Variants in TTLL11 observed in about 807,000 individuals in gnomAD.
TTLL11 encodes the protein tubulin tyrosine ligase like 11.
TTLL11 carries 42 observed loss-of-function variants against 51.7 expected under a neutral mutation model. The ratio of observed to expected loss-of-function variants is 0.81; its 90% CI spans 0.64 to 1.05. The LOEUF is 1.05. Among genes scored for constraint, TTLL11 ranks in the 50% least tolerant of loss-of-function variants. The probability of loss-of-function intolerance (pLI) is 0.00; values close to 1 mark genes in which losing one functional copy is unlikely to be tolerated. For synonymous variants in TTLL11, 381 were observed against 383.5 expected (o/e 0.99, Z 0.08); for missense variants, 799 against 940.4 (o/e 0.85, Z 1.97).
chr9:121,900,928 C>T (rs1289764491), intron 6 of TTLL11, among the ~76,000 whole-genome samples: 1 of 152,168 alleles, frequency 6.6e-6, no homozygotes, highest in Non-Finnish European at 1.5e-5. Flanking sequence ...CCCGCCTCAG[C>T]CTCCTGAGTA....
rs181041619 is a variant in TTLL11, at chr9:122,037,419, T to C, written c.559+1853A>G. Among the ~76,000 whole-genome samples the C allele has an allele frequency of 4.4e-4, 67 of 152,340 alleles. No individual in the cohort carries two copies. In the East Asian group the frequency reaches 0.013, roughly 29 times the overall value. ...AATTTGACCTTGGGTTAACTTTCTA[T>C]CTCAGTTCCCCTAGAAAACAATGAA... On this transcript the variant is annotated intron_variant, in intron 2 of 8. Coordinates refer to ENST00000321582, the MANE Select transcript of TTLL11 (RefSeq NM_001139442.2).
At chr9:122,020,794 A>C (rs1262176185) in intron 3 of TTLL11, among the ~76,000 whole-genome samples, 2 of 152,244 alleles carry the variant, frequency 1.3e-5, no homozygotes, top group African/African-American at 4.8e-5. Flanking sequence ...GCAAACAATG[A>C]GAAGGTGACC....
chr9:121,860,178 C>T (rs1232697328), intron 8 of TTLL11, among the ~76,000 whole-genome samples, 159 bp downstream of exon 8: 1 of 152,230 alleles, frequency 6.6e-6, no homozygotes, highest in Non-Finnish European at 1.5e-5. Flanking sequence ...GCAGACAGTG[C>T]TCCAGCATTT....
chr9:121,838,844 G>A (rs547607126), intron 8 of TTLL11, among the ~76,000 whole-genome samples: 6 of 132,544 alleles, frequency 4.5e-5, no homozygotes, highest in East Asian at 2.5e-4. Flanking sequence ...ATCAAACCAC[G>A]CACTCCCCCA....
intron 6 of TTLL11, among the ~76,000 whole-genome samples, chr9:121,874,120 G>A (rs1745568901): frequency 6.6e-6 from 1 of 151,974 alleles, no homozygotes; most frequent in African/African-American, 2.4e-5. Context: ...GCCTCCCAAA[G>A]TGCTGGGATT....
intron 6 of TTLL11, among the ~76,000 whole-genome samples, chr9:121,899,402 T>TATATATATATATATATATAC (rs1465376759): frequency 2.3e-4 from 19 of 82,762 alleles, no homozygotes; most frequent in Admixed American, 1.1e-3. Context: ...TATATATATA[T>TATATATATATATATATATAC]ACACACACAC....
intron 6 of TTLL11, among the ~76,000 whole-genome samples, chr9:121,897,413 C>T (rs1588107519): frequency 6.6e-6 from 1 of 152,080 alleles, no homozygotes; most frequent in Non-Finnish European, 1.5e-5. Flanking sequence ...ATTCTTCAGG[C>T]CCTGGCTTCG....
At chr9:121,840,154 C>T (rs761194596) in intron 8 of TTLL11, among the ~76,000 whole-genome samples, 1 of 152,130 alleles carries the variant, frequency 6.6e-6, no homozygotes, top group African/African-American at 2.4e-5. Flanking sequence ...TATTAGTGCA[C>T]GAAAATGTTT....
chr9:121,952,234 C>G (rs558217030), intron 6 of TTLL11, among the ~76,000 whole-genome samples: 3 of 152,008 alleles, frequency 2.0e-5, no homozygotes, highest in East Asian at 3.9e-4. Context: ...ATCACAAAGT[C>G]AAGAGATCGA....
intron 2 of TTLL11, among the ~76,000 whole-genome samples, chr9:122,032,093 A>C (rs1055429835): frequency 6.6e-6 from 1 of 152,240 alleles, no homozygotes; most frequent in African/African-American, 2.4e-5. Context: ...AAAATGAAGC[A>C]TCAGTTTGAA....
At chr9:121,938,253 C>T (rs919586064) in intron 6 of TTLL11, among the ~76,000 whole-genome samples, 1 of 150,524 alleles carries the variant, frequency 6.6e-6, no homozygotes, top group Non-Finnish European at 1.5e-5. Context: ...TGCACCACCA[C>T]ACTCCAGCCT....
chr9:121,829,902 G>C (rs1394965761), intron 8 of TTLL11, among the ~76,000 whole-genome samples: 1 of 152,008 alleles, frequency 6.6e-6, no homozygotes, highest in African/African-American at 2.4e-5. Flanking sequence ...TCCCCAGGTG[G>C]AGTTAATCAC....
At chr9:122,053,535 G>A (rs1845217635) in intron 1 of TTLL11, among the ~76,000 whole-genome samples, 1 of 152,154 alleles carries the variant, frequency 6.6e-6, no homozygotes, top group East Asian at 1.9e-4. Flanking sequence ...AAGTGCCCAA[G>A]CAGGGCTGTG....
chr9:121,914,612 G>A (rs1205278887), intron 6 of TTLL11, among the ~76,000 whole-genome samples: 1 of 152,134 alleles, frequency 6.6e-6, no homozygotes, highest in East Asian at 1.9e-4. Flanking sequence ...GCCTTCCTGG[G>A]CGTCTCCATG....
intron 1 of TTLL11, among the ~76,000 whole-genome samples, chr9:122,080,900 G>C (rs1057433692): frequency 6.6e-6 from 1 of 152,076 alleles, no homozygotes; most frequent in African/African-American, 2.4e-5. Flanking sequence ...AAATTATAAT[G>C]TGGACATTAA....
intron 7 of TTLL11, among the ~76,000 whole-genome samples, chr9:121,865,645 GA>G (rs1453418932): frequency 6.6e-6 from 1 of 151,972 alleles, no homozygotes; most frequent in African/African-American, 2.4e-5. Flanking sequence ...CTGTCAAGCT[GA>G]AGAATCAATC....
At chr9:122,079,734 C>T (rs1845952249) in intron 1 of TTLL11, among the ~76,000 whole-genome samples, 1 of 151,600 alleles carries the variant, frequency 6.6e-6, no homozygotes, top group African/African-American at 2.4e-5. Flanking sequence ...AATCACCTAT[C>T]AAAACTTTTG....
At chr9:122,004,808 T>A (rs192508874) in intron 3 of TTLL11, among the ~76,000 whole-genome samples, 5 of 152,240 alleles carry the variant, frequency 3.3e-5, no homozygotes, top group Non-Finnish European at 7.3e-5. Flanking sequence ...CATGGGGCAG[T>A]GAGCCTCAGT....
intron 6 of TTLL11, among the ~76,000 whole-genome samples, chr9:121,877,766 A>G (rs140059002): frequency 0.012 from 1,778 of 152,340 alleles, 19 homozygotes; most frequent in Non-Finnish European, 0.016. Context: ...TCCCCATTTT[A>G]CAGATGAGGA....
Sources: gnomAD v4.1 joint callset for allele counts (sites outside exome capture counted in the v4.1 genomes callset) on GRCh38, gnomAD v4.1.1 for gene constraint, MANE v1.5 for transcripts, NCBI Gene and HGNC (gene_info 2026-07-23, HGNC 2026-07-21) for gene names.